Variants in ZNF141 observed in about 807,000 individuals in gnomAD.
ZNF141 encodes the protein zinc finger protein 141 (clone pHZ-44).
Under a neutral mutation model 11.3 loss-of-function variants are expected in ZNF141, and 7 were observed. The observed-to-expected ratio is 0.62, with a 90% confidence interval of 0.35 to 1.16. The LOEUF is 1.16. Ranked by LOEUF, ZNF141 falls within the 50% of genes most tolerant of loss-of-function variation. ZNF141 has a pLI of 0.02. For synonymous variants in ZNF141, 183 were observed against 190.7 expected, an observed-to-expected ratio of 0.96 and a Z score of 0.33; for missense variants, 535 against 554.0, an observed-to-expected ratio of 0.97 and a Z score of 0.34.
At position 375,974 on chromosome 4, in the gene ZNF141, A is replaced by G. The variant is rs1712345588; in HGVS notation, c.*2112A>G. On this transcript the variant is annotated 3_prime_UTR_variant, in exon 4 of 4. Coordinates refer to ENST00000240499, the MANE Select transcript of ZNF141 (RefSeq NM_003441.4). The stretch of plus-strand genomic sequence containing the variant: ...GTTCAGAGTAATATTCTTCTGCATT[A>G]TAGTGAGAGAAAATCTGTTTTAGTA... Among the ~76,000 whole-genome samples the G allele has an allele frequency of 6.6e-6, 1 of 152,086 alleles. No homozygotes were observed. The highest frequency in any genetic ancestry group is 2.4e-5 in the African/African-American group (1 of 41,454).
At chr4:372,091 TC>T (rs1712095047) in intron 3 of ZNF141, among the ~76,000 whole-genome samples, 1 of 152,242 alleles carries the variant, frequency 6.6e-6, no homozygotes, top group Non-Finnish European at 1.5e-5. Context: ...TGTTCATGTT[TC>T]TTCTTAACAG....
intron 3 of ZNF141, among the ~76,000 whole-genome samples, chr4:359,384 C>T (rs1211650580): frequency 9.2e-5 from 14 of 152,204 alleles, no homozygotes; most frequent in East Asian, 5.8e-4. Context: ...TTGGCTCTTG[C>T]GAGATGTTTG....
chr4:364,841 G>C (rs1429296679), intron 3 of ZNF141, among the ~76,000 whole-genome samples: 1 of 151,636 alleles, frequency 6.6e-6, no homozygotes, highest in African/African-American at 2.4e-5. Flanking sequence ...ACACCATGCT[G>C]GGAGAACCAC....
In ZNF141 at chr4:381,082, G is replaced by A. The variant is rs1448416796; in HGVS notation, c.*7220G>A. ...TTACCTATACCTGTAGTCAGTAAAT[G>A]CTGTAATGTAATTAAATATTATTTA... On this transcript the variant is annotated 3_prime_UTR_variant, in exon 4 of 4. Coordinates refer to ENST00000240499, the MANE Select transcript of ZNF141 (RefSeq NM_003441.4). Among the ~76,000 whole-genome samples, 1 of 152,070 alleles carries A rather than the reference G, an allele frequency of 6.6e-6. No homozygotes were observed. The highest frequency in any genetic ancestry group is 1.5e-5 in the Non-Finnish European group (1 of 68,020).
rs1446224141 is a variant in ZNF141, at chr4:378,623, C to G, written c.*4761C>G. 6.6e-6 allele frequency among the ~76,000 whole-genome samples: 1 copy of G among 152,050 alleles called. No homozygotes were observed. The highest frequency in any genetic ancestry group is 1.5e-5 in the Non-Finnish European group (1 of 68,020). Reference sequence around the variant, plus strand: ...AATGGTGGAAAAACAATAGAATGATCTCTGTAGATTCAAAATCTGCACTGA... The same window carrying G: ...AATGGTGGAAAAACAATAGAATGATGTCTGTAGATTCAAAATCTGCACTGA... On this transcript the variant is annotated 3_prime_UTR_variant, in exon 4 of 4. Transcript: ENST00000240499.
Position 372,925 on chromosome 4 carries a change from G to C in ZNF141, c.488G>C (p.Arg163Pro), listed in dbSNP as rs372147448. The C allele has an allele frequency of 2.5e-6, 4 of 1,613,894 alleles. No individual in the cohort carries two copies. The highest frequency in any genetic ancestry group is 1.1e-5 in the South Asian group (1 of 91,074). The part of the protein sequence containing the change: ...VVSKFSNSNK[R>P]KTRHTGEKHF... ...AGTAAATTTTCAAATTCAAACAAAC[G>C]TAAGACAAGACATACTGGAGAGAAA... The change falls in exon 4 of 4, where the codon CGT (arginine) becomes CCT (proline). Residue 163 changes from arginine (R) to proline (P), a missense_variant. Coordinates refer to ENST00000240499, the MANE Select transcript of ZNF141 (RefSeq NM_003441.4).
rs1553853909 is a variant in ZNF141, at chr4:373,236, T to G, written c.799T>G (p.Phe267Val). The change falls in exon 4 of 4, where the codon TTC becomes GTC. Residue 267 changes from phenylalanine to valine, a missense_variant. Transcript: ENST00000240499. ...CEECGKAFNR[F>V]TTLTKHKRIH... The stretch of plus-strand genomic sequence containing the variant: ...AGAATGTGGCAAAGCCTTTAATAGG[T>G]TCACAACCCTTACTAAACATAAGAG... 31 of 1,613,926 alleles carry G rather than the reference T, an allele frequency of 1.9e-5. No individual in the cohort carries two copies. Among genetic ancestry groups the G allele is most frequent in the Non-Finnish European group, 2.6e-5 (31 of 1,179,966 alleles).
In ZNF141 at chr4:343,254, T is replaced by C. The variant is rs531837742; in HGVS notation, c.4-528T>C. ...TGATTTTGGTAGGGGAAGGTCAGTG[T>C]AGCCCATTATTTTTATTGCAGCAAC... On this transcript the variant is annotated intron_variant, in intron 1 of 3. Transcript: ENST00000240499. Among the ~76,000 whole-genome samples, 8 of 152,246 alleles carry C rather than the reference T, an allele frequency of 5.3e-5. No individual in the cohort carries two copies. In the South Asian group the frequency reaches 1.7e-3, roughly 32 times the overall value.
In ZNF141 at chr4:382,991, T is replaced by A; in HGVS notation, c.*9129T>A. ...GTCGTTCCTATCAAGAGACAGATTCTGTTTCCCAAACCTTGAACTTCTCTT... is the reference window on the plus strand; with the variant it reads ...GTCGTTCCTATCAAGAGACAGATTCAGTTTCCCAAACCTTGAACTTCTCTT... On this transcript the variant is annotated 3_prime_UTR_variant, in exon 4 of 4. Transcript: ENST00000240499. The A allele has an allele frequency of 1.9e-6, 1 of 521,766 alleles. No individual in the cohort carries two copies. The highest frequency in any genetic ancestry group is 3.0e-5 in the South Asian group (1 of 33,768). 32.3% of individuals were successfully genotyped at this position (521,766 alleles called of 1,614,324 possible). A position where few individuals can be genotyped will look rare whatever the true frequency, so the allele number is the denominator to read the frequency against.
intron 3 of ZNF141, among the ~76,000 whole-genome samples, chr4:371,066 A>G (rs572260241): frequency 5.8e-4 from 87 of 149,530 alleles, no homozygotes; most frequent in African/African-American, 1.9e-3. Flanking sequence ...TTTCTCAGGC[A>G]TTATTTTTGT....
chr4:365,942 T>C (rs1206222084), intron 3 of ZNF141, among the ~76,000 whole-genome samples: 1 of 152,234 alleles, frequency 6.6e-6, no homozygotes, highest in Non-Finnish European at 1.5e-5. Context: ...GAAAATCACT[T>C]GCCTCTAGTT....
intron 2 of ZNF141, 44 bp from the exon 3 acceptor site, chr4:344,291 T>A (rs1553849101): frequency 3.3e-6 from 5 of 1,526,536 alleles, no homozygotes; most frequent in Non-Finnish European, 4.5e-6. Context: ...AATTGGAGAA[T>A]CCCCATCAAT....
chr4:343,184 G>A (rs1721139737), intron 1 of ZNF141, among the ~76,000 whole-genome samples: 1 of 152,254 alleles, frequency 6.6e-6, no homozygotes, highest in Non-Finnish European at 1.5e-5. Flanking sequence ...TTAGTGAAAG[G>A]TGAGTTCACC....
At chr4:339,737 T>C (rs73064394) in intron 1 of ZNF141, among the ~76,000 whole-genome samples, 89 of 152,386 alleles carry the variant, frequency 5.8e-4, no homozygotes, top group African/African-American at 2.1e-3. Context: ...AAATTGTCTT[T>C]AGGACATGGA....
At chr4:344,256 C>T (rs1206707979) in intron 2 of ZNF141, 79 bp from the exon 3 acceptor site, 32 of 1,231,780 alleles carry the variant, frequency 2.6e-5, no homozygotes, top group Non-Finnish European at 3.4e-5. Context: ...TATCTCTATT[C>T]TGCTTAGCGT....
rs1177125274 is a variant in ZNF141 at position 382,825 on chromosome 4, T to G, written c.*8963T>G. 4 of 264,544 alleles carry G rather than the reference T, an allele frequency of 1.5e-5. No homozygotes were observed. Among genetic ancestry groups the G allele is most frequent in the Non-Finnish European group, 2.9e-5 (4 of 138,274 alleles). 16.4% of individuals were successfully genotyped at this position (264,544 alleles called of 1,614,324 possible). A position where few individuals can be genotyped will look rare whatever the true frequency, so the allele number is the denominator to read the frequency against. The stretch of plus-strand genomic sequence containing the variant: ...TTCAGAATCAGGCCAACGTTGATCC[T>G]GAGTCCCAGCCAGCTGCTTAGTAGC... On this transcript the variant is annotated 3_prime_UTR_variant, in exon 4 of 4. Coordinates refer to ENST00000240499, the MANE Select transcript of ZNF141 (RefSeq NM_003441.4).
At chr4:362,292 G>A (rs71626195) in intron 3 of ZNF141, among the ~76,000 whole-genome samples, 22,143 of 152,136 alleles carry the variant, frequency 0.15, 2,225 homozygotes, top group African/African-American at 0.28. Flanking sequence ...TTTGTTGGAT[G>A]GGTAGATTGT....
Position 383,945 on chromosome 4 carries a change from C to G in ZNF141, c.*10083C>G, listed in dbSNP as rs1248365595. The G allele has an allele frequency of 1.3e-5, 2 of 152,314 alleles. No individual in the cohort carries two copies. The highest frequency in any genetic ancestry group is 2.9e-5 in the Non-Finnish European group (2 of 68,102). The allele number at this position is 152,314 out of a possible 1,614,324, so 9.4% of individuals were successfully genotyped here. On this transcript the variant is annotated 3_prime_UTR_variant, in exon 4 of 4. Transcript: ENST00000240499. ...ACACCCACCCTGTAGAGTGCTTTCT[C>G]ACTTTAATAAAATCTTGCTTTTGCT...
intron 3 of ZNF141, among the ~76,000 whole-genome samples, chr4:361,829 A>G (rs1711513188): frequency 6.6e-6 from 1 of 152,224 alleles, no homozygotes; most frequent in Non-Finnish European, 1.5e-5. Context: ...ATAGTGCCGC[A>G]GTAAACATAC....
Sources: gnomAD v4.1 joint callset for allele counts (sites outside exome capture counted in the v4.1 genomes callset) on GRCh38, gnomAD v4.1.1 for gene constraint, MANE v1.5 for transcripts, NCBI Gene and HGNC (gene_info 2026-07-23, HGNC 2026-07-21) for gene names.